The following ADAMTS19 variants were observed in gnomAD, a reference collection of about 807,000 sequenced individuals.
The protein encoded by ADAMTS19 is ADAM metallopeptidase with thrombospondin type 1 motif 19.
In ADAMTS19, 93 loss-of-function variants were observed where a neutral mutation model predicts 153.3. The ratio of observed to expected loss-of-function variants is 0.61; its 90% confidence interval spans 0.51 to 0.72. The LOEUF (loss-of-function observed/expected upper bound fraction) is 0.72, where lower values mean the gene tolerates loss of function less well. Among genes scored for constraint, ADAMTS19 ranks in the 30% least tolerant of loss-of-function variants. The pLI is 0.00. For missense variants in ADAMTS19, 1,482 were observed against 1,552.1 expected (o/e 0.95, Z 0.76); for synonymous variants, 600 against 556.6 (o/e 1.08, Z -1.10).
rs1751355458 is a variant in ADAMTS19, at chr5:129,509,185, G to A, written c.856G>A (p.Glu286Lys). The change falls in exon 3 of 23, where the codon GAG becomes AAG. Residue 286 changes from glutamate to lysine, a missense_variant. Physicochemically the swap from Glu to Lys is moderately conservative, Grantham distance 56. Coordinates refer to ENST00000274487, the MANE Select transcript of ADAMTS19 (RefSeq NM_133638.6). Reference sequence around the variant, plus strand: ...TGTATATAGGCAGAAAAGGTCCATGGAGGAAAAGGTCACAGAGAAGTCAGC... The same window carrying A: ...TGTATATAGGCAGAAAAGGTCCATGAAGGAAAAGGTCACAGAGAAGTCAGC... Reference protein sequence around the residue: ...HRVYRQKRSMEEKVTEKSALH... With the variant: ...HRVYRQKRSMKEKVTEKSALH... The A allele has an allele frequency of 5.6e-6, 9 of 1,612,330 alleles. No homozygotes were observed. The highest frequency in any genetic ancestry group is 7.6e-6 in the Non-Finnish European group (9 of 1,178,800).
intron 2 of ADAMTS19, among the ~76,000 whole-genome samples, chr5:129,489,242 A>C (rs1750690277): frequency 6.6e-6 from 1 of 152,152 alleles, no homozygotes. Context: ...ATAGTTGATG[A>C]GAACTTTTTA....
chr5:129,475,740 T>A (rs1750203634), intron 2 of ADAMTS19, among the ~76,000 whole-genome samples: 1 of 152,008 alleles, frequency 6.6e-6, no homozygotes, highest in Non-Finnish European at 1.5e-5. Context: ...GACTCAGGCA[T>A]GAGAATTGCT....
intron 2 of ADAMTS19, among the ~76,000 whole-genome samples, chr5:129,465,184 T>C (rs1374939010): frequency 6.6e-6 from 1 of 151,992 alleles, no homozygotes; most frequent in African/African-American, 2.4e-5. Context: ...AATAATAAAA[T>C]ACAACACATG....
At chr5:129,695,537 G>A (rs893182068) in intron 19 of ADAMTS19, among the ~76,000 whole-genome samples, 2 of 152,186 alleles carry the variant, frequency 1.3e-5, no homozygotes, top group South Asian at 2.1e-4. Context: ...CTGGAAGTTG[G>A]GGTAAAGACA....
intron 7 of ADAMTS19, among the ~76,000 whole-genome samples, chr5:129,572,404 C>T (rs1035877971): frequency 6.6e-6 from 1 of 151,966 alleles, no homozygotes; most frequent in African/African-American, 2.4e-5. Flanking sequence ...TATGACCCAG[C>T]AATCCCACCC....
At chr5:129,726,629 AT>A (rs905739449) in intron 21 of ADAMTS19, among the ~76,000 whole-genome samples, 1 of 152,174 alleles carries the variant, frequency 6.6e-6, no homozygotes, top group Non-Finnish European at 1.5e-5. Flanking sequence ...GTTATTAAAC[AT>A]TTTGGAACAT....
chr5:129,486,826 G>T (rs1484664626), intron 2 of ADAMTS19, among the ~76,000 whole-genome samples: 1 of 152,054 alleles, frequency 6.6e-6, no homozygotes, highest in Non-Finnish European at 1.5e-5. Context: ...GTAAAATTGT[G>T]CTTATTTGCA....
chr5:129,520,841 A>G (rs1472180897), intron 3 of ADAMTS19, among the ~76,000 whole-genome samples: 1 of 152,160 alleles, frequency 6.6e-6, no homozygotes, highest in Non-Finnish European at 1.5e-5. Context: ...CTCATCGCTC[A>G]GGACCCTAAG....
chr5:129,684,073 G>C (rs376601647), intron 17 of ADAMTS19, 47 bp from the exon 18 acceptor site: 1 of 1,544,506 alleles, frequency 6.5e-7, no homozygotes, highest in South Asian at 1.2e-5. Flanking sequence ...TACATTGCAC[G>C]TGCTCTAGTT....
Position 129,550,474 on chromosome 5 carries a change from A to C in ADAMTS19, c.1329-1390A>C, listed in dbSNP as rs111491025. Among the ~76,000 whole-genome samples the C allele has an allele frequency of 3.5e-3, 449 of 128,922 alleles. 13 individuals carry two copies. The highest frequency in any genetic ancestry group is 8.5e-3 in the South Asian group (34 of 4,000). 84.6% of individuals were successfully genotyped at this position (128,922 alleles called of 152,430 possible). On this transcript the variant is annotated intron_variant, in intron 6 of 22. Transcript: ENST00000274487. ...GATATACATATACATGTATCTGTAT[A>C]TGTATGTATCTAGATATACATATAC...
chr5:129,687,642 C>T (rs990242175), intron 18 of ADAMTS19, among the ~76,000 whole-genome samples: 1 of 152,024 alleles, frequency 6.6e-6, no homozygotes, highest in Non-Finnish European at 1.5e-5. Context: ...AATTGAAGGG[C>T]TTAGAGGTTA....
chr5:129,658,355 AAGAAAGAAAG>A (rs1423018339), intron 14 of ADAMTS19, among the ~76,000 whole-genome samples: 2 of 136,412 alleles, frequency 1.5e-5, no homozygotes, highest in African/African-American at 3.1e-5. Flanking sequence ...GAAAGAAAGA[AAGAAAGAAAG>A]AAAGAGAGAG....
intron 6 of ADAMTS19, among the ~76,000 whole-genome samples, chr5:129,534,329 A>G (rs1752328520): frequency 6.6e-6 from 1 of 152,162 alleles, no homozygotes; most frequent in African/African-American, 2.4e-5. Context: ...TCTAGAAGAA[A>G]TGGATAAATT....
intron 6 of ADAMTS19, among the ~76,000 whole-genome samples, chr5:129,547,746 G>C (rs1281470659): frequency 1.3e-5 from 2 of 150,542 alleles, no homozygotes; most frequent in African/African-American, 2.5e-5. Flanking sequence ...AACAAAGCTG[G>C]AGGCATCACA....
intron 16 of ADAMTS19, among the ~76,000 whole-genome samples, chr5:129,668,726 C>G (rs1285831588): frequency 6.6e-6 from 1 of 152,028 alleles, no homozygotes; most frequent in Non-Finnish European, 1.5e-5. Context: ...ATGTGGGTAT[C>G]TTTTTCCCCC....
chr5:129,647,298 T>A (rs1187891207), intron 11 of ADAMTS19, among the ~76,000 whole-genome samples: 2 of 151,784 alleles, frequency 1.3e-5, no homozygotes, highest in South Asian at 2.1e-4. Flanking sequence ...AAAAGTACCC[T>A]GAGTCACTGA....
At chr5:129,642,856 C>G (rs1394451698) in intron 11 of ADAMTS19, among the ~76,000 whole-genome samples, 1 of 152,070 alleles carries the variant, frequency 6.6e-6, no homozygotes, top group African/African-American at 2.4e-5. Context: ...CTATTAACTT[C>G]TAGAAATTCG....
chr5:129,497,633 C>T (rs1202035426), intron 2 of ADAMTS19, among the ~76,000 whole-genome samples: 1 of 152,112 alleles, frequency 6.6e-6, no homozygotes, highest in Non-Finnish European at 1.5e-5. Context: ...TTCTTAAGTA[C>T]TAAAGCTAGA....
intron 3 of ADAMTS19, among the ~76,000 whole-genome samples, chr5:129,517,203 A>G (rs1193079276): frequency 6.6e-6 from 1 of 151,950 alleles, no homozygotes; most frequent in Non-Finnish European, 1.5e-5. Flanking sequence ...ATGATGTAGC[A>G]TATGGTCTTT....
Sources: allele counts gnomAD v4.1 joint callset (sites outside exome capture counted in the v4.1 genomes callset), GRCh38; gene constraint gnomAD v4.1.1; transcripts MANE v1.5; gene names NCBI Gene and HGNC (gene_info 2026-07-23, HGNC 2026-07-21).